KIAA1328: variants seen among roughly 807,000 people sequenced by gnomAD.
KIAA1328 encodes the protein protein hinderin.
In KIAA1328, 52 loss-of-function variants were observed where a neutral mutation model predicts 68.1. That is an observed-to-expected ratio of 0.76 (90% CI 0.61 to 0.96). The LOEUF is 0.96. Among genes scored for constraint, KIAA1328 ranks in the 40% least tolerant of loss-of-function variants. The pLI, the probability that KIAA1328 is intolerant of heterozygous loss-of-function variation, is 0.00. For missense variants in KIAA1328, 641 were observed against 677.6 expected, an observed-to-expected ratio of 0.95 and a Z score of 0.60; for synonymous variants, 232 against 239.4, an observed-to-expected ratio of 0.97 and a Z score of 0.28.
At chr18:36,899,624 A>G (rs1254668175) in intron 5 of KIAA1328, among the ~76,000 whole-genome samples, 1 of 151,978 alleles carries the variant, frequency 6.6e-6, no homozygotes. Context: ...TCTGGACTGC[A>G]TTTGAGATTT....
At chr18:37,174,902 C>T (rs1351571250) in intron 9 of KIAA1328, among the ~76,000 whole-genome samples, 3 of 152,092 alleles carry the variant, frequency 2.0e-5, no homozygotes, top group Non-Finnish European at 4.4e-5. Flanking sequence ...CGATCTCTTG[C>T]CCTCATGATC....
intron 6 of KIAA1328, among the ~76,000 whole-genome samples, chr18:36,979,189 T>C (rs1370952786): frequency 2.9e-5 from 3 of 104,664 alleles, no homozygotes; most frequent in Non-Finnish European, 6.9e-5. Context: ...AATTTAAAAA[T>C]AAAATGAATA....
intron 5 of KIAA1328, among the ~76,000 whole-genome samples, chr18:36,948,002 G>A (rs1409269599): frequency 6.6e-6 from 1 of 152,070 alleles, no homozygotes; most frequent in African/African-American, 2.4e-5. Flanking sequence ...GTATAATGAG[G>A]CGTGTTTGAC....
intron 6 of KIAA1328, among the ~76,000 whole-genome samples, chr18:36,972,537 G>A (rs1043081037): frequency 6.6e-6 from 1 of 152,142 alleles, no homozygotes; most frequent in African/African-American, 2.4e-5. Flanking sequence ...CACAATGCTA[G>A]CCATTGTTAA....
chr18:37,138,253 G>A (rs1462737719), intron 7 of KIAA1328, among the ~76,000 whole-genome samples: 1 of 152,096 alleles, frequency 6.6e-6, no homozygotes, highest in Non-Finnish European at 1.5e-5. Context: ...TTATAGATGA[G>A]GAAATGAGGC....
intron 4 of KIAA1328, among the ~76,000 whole-genome samples, chr18:36,869,952 T>C (rs2047889395): frequency 6.6e-6 from 1 of 152,068 alleles, no homozygotes; most frequent in Non-Finnish European, 1.5e-5. Context: ...AACCTCTGCC[T>C]CCCGGGTTCA....
At chr18:37,125,716 C>T (rs1354837637) in intron 7 of KIAA1328, among the ~76,000 whole-genome samples, 1 of 152,118 alleles carries the variant, frequency 6.6e-6, no homozygotes, top group African/African-American at 2.4e-5. Context: ...GATTGGTCAT[C>T]CCTAATCTGA....
At chr18:37,210,620 A>T (rs897392640) in intron 9 of KIAA1328, among the ~76,000 whole-genome samples, 2 of 152,224 alleles carry the variant, frequency 1.3e-5, no homozygotes, top group Non-Finnish European at 2.9e-5. Flanking sequence ...GATCAGGCCA[A>T]GCTAATCAAC....
At chr18:37,053,930 C>T (rs928433370) in intron 6 of KIAA1328, among the ~76,000 whole-genome samples, 7 of 149,798 alleles carry the variant, frequency 4.7e-5, no homozygotes, top group African/African-American at 1.7e-4. Flanking sequence ...GTCTGGTATC[C>T]AGAACCTATA....
intron 6 of KIAA1328, among the ~76,000 whole-genome samples, chr18:37,032,325 C>T (rs2054862232): frequency 6.6e-6 from 1 of 152,120 alleles, no homozygotes; most frequent in Non-Finnish European, 1.5e-5. Flanking sequence ...GTGTTGTATA[C>T]ACCACAATTT....
intron 5 of KIAA1328, among the ~76,000 whole-genome samples, chr18:36,914,337 T>A (rs1036466860): frequency 2.6e-5 from 4 of 152,210 alleles, no homozygotes; most frequent in African/African-American, 9.6e-5. Context: ...AGGTATTAGC[T>A]TTAAGTTTTG....
chr18:37,201,850 G>T (rs1471578435), intron 9 of KIAA1328, among the ~76,000 whole-genome samples: 2 of 152,160 alleles, frequency 1.3e-5, no homozygotes, highest in African/African-American at 4.8e-5. Context: ...TAGGGATTCT[G>T]TATTGTATCA....
intron 7 of KIAA1328, among the ~76,000 whole-genome samples, chr18:37,078,334 T>A (rs1443953152): frequency 6.6e-6 from 1 of 152,034 alleles, no homozygotes; most frequent in Non-Finnish European, 1.5e-5. Context: ...TAATTCAAGA[T>A]GGATTAAAGA....
At chr18:36,879,475 G>T (rs1240002746) in intron 4 of KIAA1328, among the ~76,000 whole-genome samples, 1 of 150,930 alleles carries the variant, frequency 6.6e-6, no homozygotes, top group Non-Finnish European at 1.5e-5. Flanking sequence ...GCTGGGAGGT[G>T]TCTCTCAGTC....
At chr18:37,009,704 A>C (rs564821843) in intron 6 of KIAA1328, among the ~76,000 whole-genome samples, 1 of 152,280 alleles carries the variant, frequency 6.6e-6, no homozygotes, top group Admixed American at 6.5e-5. Context: ...ATGTTGTTCT[A>C]ATGTTGGAGA....
At chr18:36,870,506 A>G (rs898833816) in intron 4 of KIAA1328, among the ~76,000 whole-genome samples, 4 of 152,218 alleles carry the variant, frequency 2.6e-5, no homozygotes, top group Non-Finnish European at 5.9e-5. Context: ...AGATGAAGTA[A>G]AATTCCTCTT....
In KIAA1328 at chr18:36,849,354, C is replaced by A. The variant is rs11873563; in HGVS notation, c.332+5052C>A. On this transcript the variant is annotated intron_variant, in intron 4 of 9. Coordinates refer to ENST00000280020, the MANE Select transcript of KIAA1328 (RefSeq NM_020776.3). ...TACTCACAGTGTTATACAACCATCA[C>A]CATTTTCTAGTTCTAGAACATTTTC... is the stretch of plus-strand genomic sequence containing the variant. Among the ~76,000 whole-genome samples, 710 of 152,082 alleles carry A rather than the reference C, an allele frequency of 4.7e-3. 7 individuals carry two copies. The highest frequency in any genetic ancestry group is 0.016 in the African/African-American group (674 of 41,544).
intron 7 of KIAA1328, among the ~76,000 whole-genome samples, chr18:37,077,687 AACAG>A (rs1380423075): frequency 5.2e-5 from 6 of 116,288 alleles, no homozygotes; most frequent in Non-Finnish European, 8.6e-5. Flanking sequence ...ATACACCAGT[AACAG>A]ACAGAGAGCC....
intron 5 of KIAA1328, among the ~76,000 whole-genome samples, chr18:36,903,356 G>A (rs17652513): frequency 0.14 from 20,689 of 152,122 alleles, 1,753 homozygotes; most frequent in Admixed American, 0.18. Context: ...GCCAAGAGAA[G>A]TTTAATGCCA....
Sources: allele counts gnomAD v4.1 joint callset (sites outside exome capture counted in the v4.1 genomes callset), GRCh38; gene constraint gnomAD v4.1.1; transcripts MANE v1.5; gene names NCBI Gene and HGNC (gene_info 2026-07-23, HGNC 2026-07-21).